Variants in AKAP6 observed in about 807,000 individuals in gnomAD.
The protein encoded by AKAP6 is A-kinase anchoring protein 6, also known as A-kinase anchor protein 6.
In AKAP6, 58 loss-of-function variants were observed where a neutral mutation model predicts 188.5. The observed-to-expected ratio is 0.31, with a 90% confidence interval of 0.25 to 0.38. The LOEUF is 0.38. Ranked by LOEUF, AKAP6 falls within the 10% of genes least tolerant of loss-of-function variation. AKAP6 has a pLI of 1.00. For missense variants in AKAP6, 2,710 were observed against 2,740.0 expected (o/e 0.99, Z 0.24); for synonymous variants, 989 against 998.6 (o/e 0.99, Z 0.18).
At chr14:32,464,429 G>A (rs1394286079) in intron 2 of AKAP6, among the ~76,000 whole-genome samples, 2 of 152,198 alleles carry the variant, frequency 1.3e-5, no homozygotes, top group African/African-American at 4.8e-5. Flanking sequence ...TGGGATGCAA[G>A]GCTTGTTCAA....
At chr14:32,407,923 G>A (rs1318603747) in intron 1 of AKAP6, among the ~76,000 whole-genome samples, 2 of 152,126 alleles carry the variant, frequency 1.3e-5, no homozygotes, top group East Asian at 3.9e-4. Context: ...AACATCCTAC[G>A]GCACAGCAAA....
At chr14:32,716,628 A>G (rs2030218710) in intron 9 of AKAP6, among the ~76,000 whole-genome samples, 1 of 147,846 alleles carries the variant, frequency 6.8e-6, no homozygotes, top group African/African-American at 2.5e-5. Context: ...TATCTACATT[A>G]TATAATGTAT....
rs577708453 is a variant in AKAP6 at position 32,680,895 on chromosome 14, C to T, written c.2879+2436C>T. Reference sequence around the variant, plus strand: ...ATGTGATAGGAAGATTTTCCCTGAACGTATGTGAGGCTGTATGAGTTCTAG... The same window carrying T: ...ATGTGATAGGAAGATTTTCCCTGAATGTATGTGAGGCTGTATGAGTTCTAG... On this transcript the variant is annotated intron_variant, in intron 8 of 13. Coordinates refer to ENST00000280979, the MANE Select transcript of AKAP6 (RefSeq NM_004274.5). Among the ~76,000 whole-genome samples, 18 of 152,264 alleles carry T rather than the reference C, an allele frequency of 1.2e-4. No homozygotes were observed. In the South Asian group the frequency reaches 3.3e-3, roughly 28 times the overall value.
At chr14:32,681,868 CA>C (rs964030406) in intron 8 of AKAP6, among the ~76,000 whole-genome samples, 11 of 152,028 alleles carry the variant, frequency 7.2e-5, no homozygotes, top group African/African-American at 2.4e-4. Flanking sequence ...TTAGTGGAGA[CA>C]AGGTTTCACC....
chr14:32,668,258 G>A (rs752132775), intron 7 of AKAP6, among the ~76,000 whole-genome samples: 2 of 152,126 alleles, frequency 1.3e-5, no homozygotes, highest in East Asian at 1.9e-4. Context: ...TTAACTACAG[G>A]CATTACAAAA....
At chr14:32,505,504 T>G (rs1880826260) in intron 2 of AKAP6, among the ~76,000 whole-genome samples, 1 of 152,070 alleles carries the variant, frequency 6.6e-6, no homozygotes, top group South Asian at 2.1e-4. Context: ...AAATCCATGA[T>G]GAACAAAATA....
At chr14:32,768,594 A>G (rs2032789429) in intron 11 of AKAP6, among the ~76,000 whole-genome samples, 1 of 152,198 alleles carries the variant, frequency 6.6e-6, no homozygotes, top group African/African-American at 2.4e-5. Context: ...GTAATTGATC[A>G]TCAACAATTG....
chr14:32,555,642 T>C (rs1242327413), intron 4 of AKAP6, among the ~76,000 whole-genome samples: 2 of 152,206 alleles, frequency 1.3e-5, no homozygotes, highest in African/African-American at 4.8e-5. Flanking sequence ...TTCTACTTTC[T>C]ATCTCCATAA....
chr14:32,574,374 C>T (rs757891315), intron 4 of AKAP6, among the ~76,000 whole-genome samples: 3 of 152,116 alleles, frequency 2.0e-5, no homozygotes, highest in African/African-American at 4.8e-5. Context: ...AGGTGCCATC[C>T]GGAAATGTTC....
intron 4 of AKAP6, among the ~76,000 whole-genome samples, chr14:32,576,003 G>A (rs1470018620): frequency 1.3e-5 from 2 of 151,598 alleles, no homozygotes; most frequent in Admixed American, 1.3e-4. Flanking sequence ...TTTTTTTTGA[G>A]GTAATCTAAT....
intron 13 of AKAP6, among the ~76,000 whole-genome samples, chr14:32,828,916 C>T (rs558049284): frequency 3.3e-5 from 5 of 152,218 alleles, no homozygotes; most frequent in East Asian, 1.9e-4. Context: ...TTTTCTGGCT[C>T]TTAAGTTGAA....
rs751878006 is a variant in AKAP6 at position 32,735,667 on chromosome 14, G to C, written c.3157G>C (p.Gly1053Arg). 6.3e-7 allele frequency: 1 copy of C among 1,589,286 alleles called. No homozygotes were observed. The highest frequency in any genetic ancestry group is 1.4e-5 in the African/African-American group (1 of 73,204). ...EKWELLGKTL[G>R]EKIQDTMAGH... ...TAATCTGATGCATTAGAAAACCCTA[G>C]GAGAGAAGATCCAGGACACAATGGC... The change falls in exon 11 of 14, where the codon GGA (glycine) becomes CGA (arginine). Residue 1053 changes from glycine (G) to arginine (R), a missense_variant. By Grantham distance (125) the Gly-to-Arg change is moderately radical. Around this residue, in one of 2 missense-constraint regions of AKAP6, gnomAD observed 2,473 missense variants for 2,426.1 expected, o/e 1.02. Coordinates refer to ENST00000280979, the MANE Select transcript of AKAP6 (RefSeq NM_004274.5).
intron 7 of AKAP6, among the ~76,000 whole-genome samples, chr14:32,668,116 G>T (rs1048200289): frequency 1.3e-5 from 2 of 152,114 alleles, no homozygotes; most frequent in African/African-American, 4.8e-5. Context: ...ATGTCATTGT[G>T]CAGAGATTTG....
intron 7 of AKAP6, among the ~76,000 whole-genome samples, chr14:32,653,547 C>T (rs1888318304): frequency 6.6e-6 from 1 of 152,156 alleles, no homozygotes; most frequent in South Asian, 2.1e-4. Flanking sequence ...CCTGAGGCCT[C>T]CTTAGAAGCT....
chr14:32,800,145 C>T (rs12878897), intron 12 of AKAP6, among the ~76,000 whole-genome samples: 12 of 115,164 alleles, frequency 1.0e-4, no homozygotes, highest in African/African-American at 3.7e-4. Flanking sequence ...TATATACACA[C>T]ATATATACAT....
chr14:32,436,721 G>T (rs1594611903), intron 2 of AKAP6, among the ~76,000 whole-genome samples: 4 of 152,126 alleles, frequency 2.6e-5, no homozygotes, highest in African/African-American at 9.7e-5. Context: ...CAGATTGCTT[G>T]AGCCCAGGAG....
intron 3 of AKAP6, among the ~76,000 whole-genome samples, chr14:32,539,001 A>G (rs28479942): frequency 0.011 from 1,630 of 152,210 alleles, 27 homozygotes; most frequent in African/African-American, 0.034. Context: ...TCTTCCTTCT[A>G]TCTTCTCTAT....
At chr14:32,799,058 T>C (rs1392589243) in intron 12 of AKAP6, among the ~76,000 whole-genome samples, 1 of 152,204 alleles carries the variant, frequency 6.6e-6, no homozygotes, top group Admixed American at 6.5e-5. Context: ...CTAGAAATAA[T>C]ACGTTGTGTG....
At chr14:32,434,007 T>A in intron 2 of AKAP6, 190 bp downstream of exon 2, 1 of 596,042 alleles carries the variant, frequency 1.7e-6, no homozygotes, top group Non-Finnish European at 2.9e-6. Context: ...CATGTGCTGA[T>A]TATCTAGAAT....
Sources: allele counts gnomAD v4.1 joint callset (sites outside exome capture counted in the v4.1 genomes callset), GRCh38; gene constraint gnomAD v4.1.1; regional missense constraint gnomAD v4.1.1; transcripts MANE v1.5; gene names NCBI Gene and HGNC (gene_info 2026-07-23, HGNC 2026-07-21).